CHRNB4: variants seen among roughly 807,000 people sequenced by gnomAD.
The protein encoded by CHRNB4 is neuronal acetylcholine receptor subunit beta-4.
In CHRNB4, 23 loss-of-function variants were observed where a neutral mutation model predicts 40.4. That is an observed-to-expected ratio of 0.57 (90% CI 0.41 to 0.81). The LOEUF (loss-of-function observed/expected upper bound fraction) is 0.81, where lower values mean the gene tolerates loss of function less well. Ranked by LOEUF, CHRNB4 falls within the 30% of genes least tolerant of loss-of-function variation. CHRNB4 has a pLI of 0.00. For missense variants in CHRNB4, 568 were observed against 670.6 expected, an observed-to-expected ratio of 0.85 and a Z score of 1.69; for synonymous variants, 285 against 274.4, an observed-to-expected ratio of 1.04 and a Z score of -0.38.
chr15:78,657,406 T>C (rs1218003212), intron 2 of CHRNB4: 1 of 152,240 alleles, frequency 6.6e-6, no homozygotes, highest in Non-Finnish European at 1.5e-5. Flanking sequence ...GTAGTGAATA[T>C]CCAGTAAATA....
Position 78,624,893 on chromosome 15 carries a change from G to A in CHRNB4, c.*240C>T. ...TGCCCGGTGCAGGGAAGGAAGACAG[G>A]CCAGAATTGAACTGTCTGAAGCTCC... On this transcript the variant is annotated 3_prime_UTR_variant, in exon 6 of 6. Coordinates refer to ENST00000261751, the MANE Select transcript of CHRNB4 (RefSeq NM_000750.5). 1 of 1,376,476 alleles carries A rather than the reference G, an allele frequency of 7.3e-7. No individual in the cohort carries two copies. Among genetic ancestry groups the A allele is most frequent in the Non-Finnish European group, 9.6e-7 (1 of 1,041,074 alleles). The allele number at this position is 1,376,476 out of a possible 1,614,324, so 85.3% of individuals were successfully genotyped here.
At chr15:78,635,967 G>A (rs959139097) in intron 1 of CHRNB4, among the ~76,000 whole-genome samples, 2 of 152,038 alleles carry the variant, frequency 1.3e-5, no homozygotes, top group African/African-American at 4.8e-5. Context: ...GAGTGCGGTG[G>A]TGTGATCTCG....
upstream of CHRNB4, among the ~76,000 whole-genome samples, chr15:78,641,907 TC>T (rs1282269341): frequency 6.6e-6 from 1 of 152,152 alleles, no homozygotes; most frequent in Non-Finnish European, 1.5e-5. Context: ...TCAGTACCAT[TC>T]CCTTGCGGGT....
rs775450590 is a variant in CHRNB4 at position 78,631,337 on chromosome 15, G to T, written c.205-5C>A. 1 of 1,613,316 alleles carries T rather than the reference G, an allele frequency of 6.2e-7. No individual in the cohort carries two copies. The highest frequency in any genetic ancestry group is 1.3e-5 in the African/African-American group (1 of 74,886). On this transcript the variant is annotated splice_polypyrimidine_tract_variant and splice_region_variant and intron_variant, in intron 2 of 5. Transcript: ENST00000261751. ...CATGATCTGCTCTCGCTCATTCTGGGGAGGGAAACGGGGCTATCAGTTCAC... is the reference window on the plus strand; with the variant it reads ...CATGATCTGCTCTCGCTCATTCTGGTGAGGGAAACGGGGCTATCAGTTCAC...
intron 4 of CHRNB4, among the ~76,000 whole-genome samples, chr15:78,630,394 T>G (rs2053778917): frequency 6.6e-6 from 1 of 152,154 alleles, no homozygotes; most frequent in Non-Finnish European, 1.5e-5. Context: ...CGCCTCGGCC[T>G]CCCAAAGTGC....
upstream of CHRNB4, chr15:78,661,604 C>A: frequency 2.0e-6 from 1 of 505,274 alleles, no homozygotes. Flanking sequence ...GATGTCAACT[C>A]CCATGATGGC....
chr15:78,654,488 G>A (rs967874266), intron 5 of CHRNB4, among the ~76,000 whole-genome samples: 4 of 152,190 alleles, frequency 2.6e-5, no homozygotes, highest in Non-Finnish European at 4.4e-5. Flanking sequence ...TGTGTCCTGG[G>A]CTTGCAATCT....
Position 78,635,607 on chromosome 15 carries a change from G to A in CHRNB4, c.56-20C>T, listed in dbSNP as rs2053932959. The A allele has an allele frequency of 6.2e-7, 1 of 1,613,326 alleles. No individual in the cohort carries two copies. Among genetic ancestry groups the A allele is most frequent in the African/African-American group, 1.3e-5 (1 of 74,942 alleles). On this transcript the variant is annotated intron_variant, in intron 1 of 5. Coordinates refer to ENST00000261751, the MANE Select transcript of CHRNB4 (RefSeq NM_000750.5). ...AGTTCCCTGAGAAAACACACAGTCA[G>A]ACCTGCTGGGCCCTTGTGCACCTGA...
chr15:78,636,703 C>T (rs2053958668), intron 1 of CHRNB4, among the ~76,000 whole-genome samples: 1 of 151,998 alleles, frequency 6.6e-6, no homozygotes, highest in Non-Finnish European at 1.5e-5. Context: ...CCCACCTCAG[C>T]CTCCTTAGTA....
chr15:78,630,960 G>A (rs1216622243), intron 4 of CHRNB4, 116 bp downstream of exon 4: 8 of 772,694 alleles, frequency 1.0e-5, no homozygotes, highest in African/African-American at 6.8e-5. Flanking sequence ...TGGCCTGGAA[G>A]GCTGGGTAAA....
At chr15:78,659,200 A>AG (rs914177895) in intron 1 of CHRNB4, among the ~76,000 whole-genome samples, 4 of 152,154 alleles carry the variant, frequency 2.6e-5, no homozygotes, top group Non-Finnish European at 4.4e-5. Context: ...AGCCTGAAGC[A>AG]GGTGGGTCAT....
intron 4 of CHRNB4, 118 bp from the exon 5 acceptor site, chr15:78,630,063 C>T (rs2053767664): frequency 1.7e-6 from 2 of 1,172,166 alleles, no homozygotes; most frequent in Non-Finnish European, 2.3e-6. Flanking sequence ...CTTCCAATCC[C>T]CCAGGCCCTC....
At position 78,629,288 on chromosome 15, in the gene CHRNB4, G is replaced by A. The variant is rs1338138880; in HGVS notation, c.1017C>T (p.His339=). The A allele has an allele frequency of 1.2e-6, 2 of 1,613,562 alleles. No homozygotes were observed. Among genetic ancestry groups the A allele is most frequent in the Non-Finnish European group, 1.7e-6 (2 of 1,179,740 alleles). The part of the protein sequence containing the change: ...MAPWVKRCFL[H]KLPTFLFMKR... ...TCATGAAGAGGAAGGTAGGCAGCTT[G>A]TGCAGGAAGCAGCGCTTGACCCAGG... is the stretch of plus-strand genomic sequence containing the variant. The change falls in exon 5 of 6, where the codon CAC becomes CAT. Residue 339 remains histidine, a synonymous_variant. Transcript: ENST00000261751. The surrounding 1 kb of genome is among the most constrained non-coding windows in gnomAD (Gnocchi z 6.8).
At chr15:78,659,676 A>C (rs1431293346) in intron 1 of CHRNB4, among the ~76,000 whole-genome samples, 1 of 152,234 alleles carries the variant, frequency 6.6e-6, no homozygotes, top group Non-Finnish European at 1.5e-5. Flanking sequence ...TGTGAGGCTG[A>C]TGTTGTGTGA....
At position 78,629,849 on chromosome 15, in the gene CHRNB4, G is replaced by A; in HGVS notation, c.456C>T (p.Ala152=). Reference sequence around the variant, plus strand: ...GAAAGTACTTCACCTCAATCTTGCAGGCGCTCTTGTAGATGGCAGGGGGCA... The same window carrying A: ...GAAAGTACTTCACCTCAATCTTGCAAGCGCTCTTGTAGATGGCAGGGGGCA... ...LWLPPAIYKS[A]CKIEVKYFPF... Residue 152 remains alanine (A), a synonymous_variant, in exon 5 of 6, where the codon GCC becomes GCT. Coordinates refer to ENST00000261751, the MANE Select transcript of CHRNB4 (RefSeq NM_000750.5). The surrounding 1 kb of genome is among the most constrained non-coding windows in gnomAD (Gnocchi z 6.8). 6.2e-7 allele frequency: 1 copy of A among 1,614,068 alleles called. No individual in the cohort carries two copies.
chr15:78,656,291 T>G (rs1596126328), exon 4 of CHRNB4: 1 of 139,952 alleles, frequency 7.1e-6, no homozygotes, highest in Admixed American at 7.8e-5. Flanking sequence ...GAGCTGAGAC[T>G]GCACCACTGC....
At chr15:78,655,468 A>G (rs2054206701) in intron 5 of CHRNB4, 1 of 125,444 alleles carries the variant, frequency 8.0e-6, no homozygotes, top group Admixed American at 8.1e-5. Context: ...CTATATATCT[A>G]TATCTATATA....
intron 1 of CHRNB4, among the ~76,000 whole-genome samples, chr15:78,638,867 G>C (rs1474104123): frequency 6.6e-6 from 1 of 152,226 alleles, no homozygotes; most frequent in African/African-American, 2.4e-5. Flanking sequence ...GCACGGTCAG[G>C]GGTCACATCC....
chr15:78,636,516 C>T (rs2053953654), intron 1 of CHRNB4, among the ~76,000 whole-genome samples: 1 of 152,128 alleles, frequency 6.6e-6, no homozygotes, highest in African/African-American at 2.4e-5. Context: ...CACCTCTCTA[C>T]CTCTACCCCA....
Sources: allele counts gnomAD v4.1 joint callset (sites outside exome capture counted in the v4.1 genomes callset), GRCh38; gene constraint gnomAD v4.1.1; non-coding constraint Gnocchi (gnomAD v3.1); transcripts MANE v1.5; gene names NCBI Gene and HGNC (gene_info 2026-07-23, HGNC 2026-07-21).